Variants in ZNF143 observed in about 807,000 individuals in gnomAD.
ZNF143 encodes SPH-binding factor.
Under a neutral mutation model 74.1 loss-of-function variants are expected in ZNF143, and 49 were observed. The observed-to-expected ratio is 0.66, with a 90% confidence interval of 0.53 to 0.84. The LOEUF (loss-of-function observed/expected upper bound fraction) is 0.84. Among genes scored for constraint, ZNF143 ranks in the 40% least tolerant of loss-of-function variants. The pLI is 0.00. For synonymous variants in ZNF143, 304 were observed against 282.8 expected (o/e 1.07, Z -0.75); for missense variants, 637 against 793.4 (o/e 0.80, Z 2.37).
At position 9,496,368 on chromosome 11, in the gene ZNF143, A is replaced by G. The variant is rs1360516633; in HGVS notation, c.831A>G (p.Ala277=). The G allele has an allele frequency of 1.2e-6, 2 of 1,613,992 alleles. No homozygotes were observed. The highest frequency in any genetic ancestry group is 2.7e-5 in the African/African-American group (2 of 74,914). The change falls in exon 9 of 16, where the codon GCA becomes GCG. Residue 277 remains alanine, a synonymous_variant. Transcript: ENST00000396602. ...GTGAGCATGCAGGCTGTGGGAAGGC[A>G]TTTGCAACAGGTAAAAGTATGAATT... ...YQCEHAGCGK[A]FATGYGLKSH...
intron 10 of ZNF143, among the ~76,000 whole-genome samples, chr11:9,499,890 G>A (rs1034980034): frequency 1.3e-5 from 2 of 152,134 alleles, no homozygotes; most frequent in Admixed American, 1.3e-4. Flanking sequence ...AAGGCCTTTC[G>A]TATTCCAAGA....
At chr11:9,495,846 T>A (rs557193193) in intron 8 of ZNF143, among the ~76,000 whole-genome samples, 1 of 152,330 alleles carries the variant, frequency 6.6e-6, no homozygotes, top group South Asian at 2.1e-4. Flanking sequence ...TAGATACTAT[T>A]GTGTCCCCAC....
In ZNF143 at chr11:9,463,011, C is replaced by T. The variant is rs544340468; in HGVS notation, c.-8+1935C>T. Among the ~76,000 whole-genome samples the T allele has an allele frequency of 7.2e-5, 11 of 152,310 alleles. No individual in the cohort carries two copies. The South Asian group carries it at 2.3e-3, about 32-fold the overall frequency. On this transcript the variant is annotated intron_variant, in intron 1 of 15. Coordinates refer to ENST00000396602, the MANE Select transcript of ZNF143 (RefSeq NM_003442.6). ...TTTCCTCTCAGTTGTCCCCTCCACC[C>T]CACTACTAGTTTGCATGTTTGCTAT...
At chr11:9,481,943 A>G (rs2133939124) in intron 7 of ZNF143, among the ~76,000 whole-genome samples, 1 of 147,478 alleles carries the variant, frequency 6.8e-6, no homozygotes, top group East Asian at 2.0e-4. Context: ...AGAACTGCTG[A>G]GGCAAAATGT....
intron 9 of ZNF143, among the ~76,000 whole-genome samples, chr11:9,497,255 G>C (rs989434162): frequency 2.0e-5 from 3 of 152,202 alleles, no homozygotes; most frequent in Non-Finnish European, 4.4e-5. Flanking sequence ...TTTTGAGACA[G>C]AATCTCACTC....
intron 11 of ZNF143, among the ~76,000 whole-genome samples, chr11:9,502,263 TTTGG>T: frequency 1.4e-5 from 2 of 143,250 alleles, no homozygotes; most frequent in Admixed American, 1.4e-4. Context: ...TTTTTTTTTT[TTTGG>T]GAAACTGCTT....
intron 5 of ZNF143, 106 bp downstream of exon 5, chr11:9,474,739 AT>A: frequency 1.7e-6 from 2 of 1,158,652 alleles, no homozygotes. Flanking sequence ...AAAGAATTGT[AT>A]TTATTCATTA....
chr11:9,477,169 T>C (rs1232668098), intron 5 of ZNF143, among the ~76,000 whole-genome samples: 69 of 126,842 alleles, frequency 5.4e-4, no homozygotes, highest in African/African-American at 2.0e-3. Flanking sequence ...CTTCCTTCCT[T>C]CCTCCTCTCC....
intron 12 of ZNF143, among the ~76,000 whole-genome samples, chr11:9,509,698 C>T (rs985637899): frequency 1.3e-5 from 2 of 152,176 alleles, no homozygotes; most frequent in African/African-American, 4.8e-5. Flanking sequence ...AGATCATCTG[C>T]TCAGATGATT....
chr11:9,508,748 A>G lies in ZNF143; in HGVS notation c.1277A>G (p.Tyr426Cys). Residue 426 changes from tyrosine (Y) to cysteine (C), a missense_variant, in exon 12 of 16, where the codon TAC (tyrosine) becomes TGC (cysteine). This residue lies in a region of ZNF143 where 344 missense variants were observed against 485.6 expected (regional missense o/e 0.71). Coordinates refer to ENST00000396602, the MANE Select transcript of ZNF143 (RefSeq NM_003442.6). ...PYNCNHCGKT[Y>C]KQISTLAMHK... ...AACTGTAACCACTGTGGGAAGACAT[A>G]CAAGCAGATCTCCACGCTGGCCATG... 6.2e-7 allele frequency: 1 copy of G among 1,613,738 alleles called. No homozygotes were observed. Among genetic ancestry groups the G allele is most frequent in the Admixed American group, 1.7e-5 (1 of 59,962 alleles).
chr11:9,484,721 C>G (rs1285994311), intron 7 of ZNF143, among the ~76,000 whole-genome samples: 2 of 149,734 alleles, frequency 1.3e-5, no homozygotes, highest in Non-Finnish European at 2.9e-5. Flanking sequence ...CAGTTGAACT[C>G]CTGACCTCCA....
chr11:9,520,735 G>A (rs1310445658), intron 14 of ZNF143, among the ~76,000 whole-genome samples: 2 of 152,228 alleles, frequency 1.3e-5, no homozygotes, highest in Non-Finnish European at 2.9e-5. Flanking sequence ...GTTGCAGTGA[G>A]CTGAGATTGC....
At chr11:9,476,639 T>C (rs1315836455) in intron 5 of ZNF143, among the ~76,000 whole-genome samples, 1 of 151,458 alleles carries the variant, frequency 6.6e-6, no homozygotes, top group East Asian at 1.9e-4. Context: ...CCCAAAGTGC[T>C]GGGATTACAG....
chr11:9,524,698 C>A (rs1168476675), intron 14 of ZNF143, among the ~76,000 whole-genome samples: 2 of 152,074 alleles, frequency 1.3e-5, no homozygotes, highest in Non-Finnish European at 2.9e-5. Context: ...TGGCTAGATG[C>A]TGCAAGAGGA....
intron 5 of ZNF143, among the ~76,000 whole-genome samples, chr11:9,476,811 G>GT (rs1368043304): frequency 8.6e-6 from 1 of 115,724 alleles, no homozygotes. Flanking sequence ...CCAGTCTGGA[G>GT]TGCAGTGGTG....
chr11:9,521,561 GTTTTTTTTTGT>G (rs1221480193), intron 14 of ZNF143, among the ~76,000 whole-genome samples: 10 of 148,612 alleles, frequency 6.7e-5, no homozygotes, highest in Admixed American at 1.3e-4. Context: ...TTTTGCGGAG[GTTTTTTTTTGT>G]TTTTTTTTTG....
At position 9,478,388 on chromosome 11, in the gene ZNF143, A is replaced by T; in HGVS notation, c.374-2A>T. 6.2e-7 allele frequency: 1 copy of T among 1,608,380 alleles called. No individual in the cohort carries two copies. Among genetic ancestry groups the T allele is most frequent in the Non-Finnish European group, 8.5e-7 (1 of 1,175,060 alleles). On this transcript the variant is annotated splice_acceptor_variant, in intron 5 of 15. Transcript: ENST00000396602. LOFTEE classifies it high-confidence loss of function. ...TAATGGCATTCTCTTCCACTCTCTC[A>T]GATAGTTATGACCAGAGTGCATTAC...
intron 5 of ZNF143, among the ~76,000 whole-genome samples, chr11:9,476,829 G>T (rs567818294): frequency 8.3e-6 from 1 of 120,326 alleles, no homozygotes; most frequent in South Asian, 2.7e-4. Context: ...GTGCGATCTC[G>T]GCTCACTGCA....
At chr11:9,466,852 T>C (rs1189088185) in intron 1 of ZNF143, among the ~76,000 whole-genome samples, 2 of 128,600 alleles carry the variant, frequency 1.6e-5, no homozygotes, top group Non-Finnish European at 3.8e-5. Flanking sequence ...TGTAATACTT[T>C]TAAATATTAC....
Sources: gnomAD v4.1 joint callset for allele counts (sites outside exome capture counted in the v4.1 genomes callset) on GRCh38, gnomAD v4.1.1 for gene constraint, gnomAD v4.1.1 regional missense constraint, MANE v1.5 for transcripts, NCBI Gene and HGNC (gene_info 2026-07-23, HGNC 2026-07-21) for gene names.